KATNAL2: variants seen among roughly 807,000 people sequenced by gnomAD.
KATNAL2 encodes the protein katanin p60 ATPase-containing subunit A-like 2.
In KATNAL2, 52 loss-of-function variants were observed where a neutral mutation model predicts 76.3. The ratio of observed to expected loss-of-function variants is 0.68; its 90% CI spans 0.55 to 0.86. The LOEUF is 0.86. Among genes scored for constraint, KATNAL2 ranks in the 40% least tolerant of loss-of-function variants. The pLI, the probability that KATNAL2 is intolerant of heterozygous loss-of-function variation, is 0.00. For synonymous variants in KATNAL2, 243 were observed against 244.2 expected (o/e 1.00, Z 0.05); for missense variants, 660 against 668.9 (o/e 0.99, Z 0.15).
At chr18:46,942,960 T>C (rs1167473818) in intron 1 of KATNAL2, among the ~76,000 whole-genome samples, 1 of 152,186 alleles carries the variant, frequency 6.6e-6, no homozygotes, top group Non-Finnish European at 1.5e-5. Flanking sequence ...GATAAGTTAC[T>C]TGCAGATCAA....
At chr18:47,058,463 G>A (rs56109213) in intron 7 of KATNAL2, 111 bp downstream of exon 7, 8,942 of 648,464 alleles carry the variant, frequency 0.014, 84 homozygotes, top group Non-Finnish European at 0.018. Context: ...TAAAATTGCT[G>A]TGTGATCTAA....
chr18:46,965,589 C>CCCA (rs1569032441), intron 3 of KATNAL2, among the ~76,000 whole-genome samples: 1 of 96,354 alleles, frequency 1.0e-5, no homozygotes, highest in African/African-American at 4.3e-5. Context: ...CCGCCCCCCC[C>CCCA]CCCCCGCCCC....
intron 3 of KATNAL2, among the ~76,000 whole-genome samples, chr18:47,044,746 A>G (rs1300411157): frequency 6.9e-6 from 1 of 145,880 alleles, no homozygotes; most frequent in Admixed American, 7.0e-5. Flanking sequence ...GGGCAACAAG[A>G]GCAAGATTCC....
intron 15 of KATNAL2, among the ~76,000 whole-genome samples, chr18:47,080,215 C>A (rs1456749808): frequency 1.3e-5 from 2 of 152,162 alleles, no homozygotes; most frequent in Non-Finnish European, 2.9e-5. Context: ...TCAGTGGCAA[C>A]CAATGAGTCA....
intron 3 of KATNAL2, among the ~76,000 whole-genome samples, chr18:46,954,207 T>C (rs1162113601): frequency 6.6e-6 from 1 of 151,856 alleles, no homozygotes; most frequent in African/African-American, 2.4e-5. Flanking sequence ...ATGCTCTTTA[T>C]ACCTCACTTC....
chr18:47,031,340 T>G (rs552556481), intron 3 of KATNAL2, among the ~76,000 whole-genome samples: 136 of 151,660 alleles, frequency 9.0e-4, no homozygotes, highest in African/African-American at 3.1e-3. Context: ...TATGTATGTT[T>G]TCGGCTTTTG....
intron 14 of KATNAL2, among the ~76,000 whole-genome samples, chr18:47,075,588 C>T (rs561828143): frequency 6.6e-6 from 1 of 152,346 alleles, no homozygotes; most frequent in South Asian, 2.1e-4. Context: ...AAATGCCATT[C>T]TCCCTTCCCC....
intron 17 of KATNAL2, 83 bp downstream of exon 17, chr18:47,100,439 C>T: frequency 9.2e-7 from 1 of 1,092,742 alleles, no homozygotes; most frequent in Non-Finnish European, 1.4e-6. Context: ...GGCGCCTGTT[C>T]TTGGTGCCGC....
At chr18:47,035,535 C>T (rs963639339) in intron 3 of KATNAL2, 18 of 677,472 alleles carry the variant, frequency 2.7e-5, no homozygotes, top group Non-Finnish European at 3.8e-5. Flanking sequence ...GTTTGCTGTG[C>T]AACAAAGAAT....
chr18:47,092,659 G>C (rs1490899656), intron 15 of KATNAL2, among the ~76,000 whole-genome samples: 19 of 152,152 alleles, frequency 1.2e-4, no homozygotes. Context: ...TGGAGAGAAG[G>C]CTGGTAAGAG....
At position 46,933,200 on chromosome 18, in the gene KATNAL2, T is replaced by TA. The variant is rs138913039; in HGVS notation, c.-509-12849dup. Among the ~76,000 whole-genome samples, 1,179 of 151,928 alleles carry TA rather than the reference T, an allele frequency of 7.8e-3. 14 individuals carry two copies. The highest frequency in any genetic ancestry group is 0.027 in the African/African-American group (1,129 of 41,432). On this transcript the variant is annotated intron_variant, in intron 1 of 17. Transcript: ENST00000683218. ...TCTGAGGACAACAAAAAAGCTGGAT[T>TA]AAAAAAAATAGAAGCAAATATCTAA...
At chr18:46,919,500 T>A (rs1315573881) in intron 1 of KATNAL2, among the ~76,000 whole-genome samples, 11 of 142,832 alleles carry the variant, frequency 7.7e-5, no homozygotes, top group East Asian at 2.1e-4. Context: ...AAAAAAAAAA[T>A]TAGCCGGGTG....
intron 15 of KATNAL2, chr18:47,098,963 T>C (rs1008792193): frequency 2.3e-5 from 7 of 310,458 alleles, no homozygotes; most frequent in African/African-American, 1.1e-4. Flanking sequence ...GTTCTGAGAA[T>C]GTGCTCTTTT....
Position 47,052,347 on chromosome 18 carries a change from A to C in KATNAL2, c.123-533A>C, listed in dbSNP as rs559868519. 3.3e-5 allele frequency among the ~76,000 whole-genome samples: 5 copies of C among 152,340 alleles called. No individual in the cohort carries two copies. In the South Asian group the frequency reaches 1.0e-3, roughly 32 times the overall value. On this transcript the variant is annotated intron_variant, in intron 4 of 17. Coordinates refer to ENST00000683218, the MANE Select transcript of KATNAL2 (RefSeq NM_001387690.1). The stretch of plus-strand genomic sequence containing the variant: ...AAATAATACATTCCAAGTGGATGTT[A>C]TCTTATATGAAAGTTCTTTGATGAT...
chr18:47,040,652 G>T (rs2147011880), intron 3 of KATNAL2, among the ~76,000 whole-genome samples: 1 of 152,244 alleles, frequency 6.6e-6, no homozygotes, highest in Non-Finnish European at 1.5e-5. Context: ...AAAAAGTATA[G>T]GCTGGGTGGA....
intron 15 of KATNAL2, chr18:47,077,685 T>C: frequency 2.4e-6 from 1 of 425,172 alleles, no homozygotes; most frequent in Non-Finnish European, 4.2e-6. Flanking sequence ...TAACAATATT[T>C]AAAATGGACA....
chr18:47,055,790 T>C (rs899485818), intron 6 of KATNAL2, among the ~76,000 whole-genome samples: 4 of 152,200 alleles, frequency 2.6e-5, no homozygotes, highest in Admixed American at 2.6e-4. Flanking sequence ...GCAAATGCTC[T>C]GTGAGTGAAT....
chr18:46,919,238 G>A (rs2058369988), intron 1 of KATNAL2, among the ~76,000 whole-genome samples: 1 of 151,900 alleles, frequency 6.6e-6, no homozygotes, highest in Admixed American at 6.6e-5. Context: ...CTAAATTCCA[G>A]CACTTTGGGA....
intron 2 of KATNAL2, 24 bp from the exon 3 acceptor site, chr18:46,946,830 T>C (rs1218773164): frequency 6.5e-7 from 1 of 1,530,044 alleles, no homozygotes; most frequent in East Asian, 2.4e-5. Context: ...GCCCAGTAAC[T>C]GACTACTTTT....
Sources: gnomAD v4.1 joint callset for allele counts (sites outside exome capture counted in the v4.1 genomes callset) on GRCh38, gnomAD v4.1.1 for gene constraint, MANE v1.5 for transcripts, NCBI Gene and HGNC (gene_info 2026-07-23, HGNC 2026-07-21) for gene names.